Variants in ROR1 observed in about 807,000 individuals in gnomAD.
ROR1 encodes the protein inactive tyrosine-protein kinase transmembrane receptor ROR1.
Under a neutral mutation model 78.8 loss-of-function variants are expected in ROR1, and 19 were observed. The observed-to-expected ratio is 0.24, with a 90% CI of 0.17 to 0.35. The LOEUF (loss-of-function observed/expected upper bound fraction) is 0.35, where lower values mean the gene tolerates loss of function less well. Among genes scored for constraint, ROR1 ranks in the 10% least tolerant of loss-of-function variants. The pLI, the probability that ROR1 is intolerant of heterozygous loss-of-function variation, is 1.00. For synonymous variants in ROR1, 386 were observed against 433.6 expected (o/e 0.89, Z 1.36); for missense variants, 917 against 1,177.8 (o/e 0.78, Z 3.24).
chr1:64,068,807 C>T (rs186325693), intron 4 of ROR1, among the ~76,000 whole-genome samples: 12 of 152,196 alleles, frequency 7.9e-5, no homozygotes, highest in African/African-American at 2.6e-4. Context: ...CCACAAGTTC[C>T]GTTTTACAGG....
chr1:64,011,876 C>A (rs956771413), intron 2 of ROR1, among the ~76,000 whole-genome samples: 2 of 152,144 alleles, frequency 1.3e-5, no homozygotes, highest in Admixed American at 6.5e-5. Context: ...ATAAACCAGG[C>A]AAAGGCCCCT....
At chr1:63,995,321 T>G (rs1646328282) in intron 1 of ROR1, among the ~76,000 whole-genome samples, 1 of 152,172 alleles carries the variant, frequency 6.6e-6, no homozygotes, top group Non-Finnish European at 1.5e-5. Context: ...CTCTGTACTT[T>G]TGGATGTGAG....
chr1:63,912,835 C>A (rs1645582358), intron 1 of ROR1, among the ~76,000 whole-genome samples: 1 of 152,162 alleles, frequency 6.6e-6, no homozygotes, highest in Non-Finnish European at 1.5e-5. Context: ...GAGGAGAAAT[C>A]TTCCAGCAGT....
chr1:64,034,628 A>G (rs1014256150), intron 2 of ROR1, among the ~76,000 whole-genome samples: 3 of 152,184 alleles, frequency 2.0e-5, no homozygotes, highest in Non-Finnish European at 4.4e-5. Context: ...CAATTGCTAG[A>G]TAATGACCAT....
chr1:63,868,876 T>C (rs1645233837), intron 1 of ROR1, among the ~76,000 whole-genome samples: 1 of 152,228 alleles, frequency 6.6e-6, no homozygotes, highest in Non-Finnish European at 1.5e-5. Flanking sequence ...TTTTGTTTTG[T>C]TTTTAGCAAA....
At chr1:63,854,194 A>G (rs1175034930) in intron 1 of ROR1, among the ~76,000 whole-genome samples, 2 of 152,190 alleles carry the variant, frequency 1.3e-5, no homozygotes, top group African/African-American at 4.8e-5. Flanking sequence ...CTGAGGCTTT[A>G]TGTCATATAA....
At chr1:64,029,177 T>C (rs1646639961) in intron 2 of ROR1, among the ~76,000 whole-genome samples, 1 of 152,168 alleles carries the variant, frequency 6.6e-6, no homozygotes, top group African/African-American at 2.4e-5. Context: ...TAACCTACCA[T>C]CCTTCTGTGA....
At chr1:63,807,572 G>T (rs1286467365) in intron 1 of ROR1, among the ~76,000 whole-genome samples, 1 of 152,134 alleles carries the variant, frequency 6.6e-6, no homozygotes, top group Non-Finnish European at 1.5e-5. Flanking sequence ...GCTGTCCCAG[G>T]CTTTAGAGCG....
chr1:64,125,678 C>T (rs1038198515), intron 4 of ROR1, among the ~76,000 whole-genome samples: 2 of 152,108 alleles, frequency 1.3e-5, no homozygotes, highest in Non-Finnish European at 2.9e-5. Flanking sequence ...ACTAAAGTTG[C>T]AGGGCTTATG....
chr1:64,089,801 C>T (rs1038330805), intron 4 of ROR1, among the ~76,000 whole-genome samples: 3 of 152,106 alleles, frequency 2.0e-5, no homozygotes, highest in African/African-American at 7.2e-5. Flanking sequence ...GTTTCCCTAC[C>T]CAAATCTCAT....
At chr1:63,879,195 T>A (rs1645307777) in intron 1 of ROR1, among the ~76,000 whole-genome samples, 1 of 152,100 alleles carries the variant, frequency 6.6e-6, no homozygotes, top group East Asian at 1.9e-4. Context: ...ATGACTTGGT[T>A]CCTATTATCT....
At chr1:64,124,995 A>G (rs1244097538) in intron 4 of ROR1, among the ~76,000 whole-genome samples, 1 of 152,220 alleles carries the variant, frequency 6.6e-6, no homozygotes, top group African/African-American at 2.4e-5. Context: ...ACCATGTTCC[A>G]TGGTCTCTTG....
Position 64,140,193 on chromosome 1 carries a change from TC to T in ROR1, c.698del (p.Pro233ArgfsTer40). ...ATTCCTTCCCTGTGCCACTATGCCT[TC>T]CCGTACTGCGATGAAACTTCATCCG... ...FAIPSLCHYA[F>X]PYCDETSSVP... On this transcript the variant is annotated frameshift_variant, in exon 6 of 9. Coordinates refer to ENST00000371079, the MANE Select transcript of ROR1 (RefSeq NM_005012.4). LOFTEE classifies it high-confidence loss of function. 6.2e-7 allele frequency: 1 copy of T among 1,614,196 alleles called. No homozygotes were observed. The highest frequency in any genetic ancestry group is 8.5e-7 in the Non-Finnish European group (1 of 1,180,030).
At chr1:63,820,868 G>C (rs1199504663) in intron 1 of ROR1, among the ~76,000 whole-genome samples, 1 of 152,170 alleles carries the variant, frequency 6.6e-6, no homozygotes, top group Non-Finnish European at 1.5e-5. Flanking sequence ...TCAATAACCT[G>C]TGTGAGGTGG....
chr1:63,788,186 T>C (rs1006333521), intron 1 of ROR1, among the ~76,000 whole-genome samples: 1 of 152,198 alleles, frequency 6.6e-6, no homozygotes, highest in Non-Finnish European at 1.5e-5. Context: ...CATAACAAAA[T>C]GAAGTGGGTG....
At chr1:64,079,500 T>G (rs571352474) in intron 4 of ROR1, among the ~76,000 whole-genome samples, 2 of 147,078 alleles carry the variant, frequency 1.4e-5, no homozygotes, top group East Asian at 3.9e-4. Flanking sequence ...GGAGACAGAG[T>G]CTCGCTTTGT....
chr1:64,032,065 G>A (rs1370901116), intron 2 of ROR1, among the ~76,000 whole-genome samples: 3 of 151,960 alleles, frequency 2.0e-5, no homozygotes, highest in Admixed American at 1.3e-4. Context: ...AAATATGGCC[G>A]GGCGCGGTGG....
intron 2 of ROR1, among the ~76,000 whole-genome samples, chr1:64,047,233 G>A (rs1048333282): frequency 6.6e-6 from 1 of 152,226 alleles, no homozygotes. Context: ...ATTTTGTCAT[G>A]TGAAAAGTGG....
intron 4 of ROR1, chr1:64,095,260 G>A (rs940310879): frequency 1.3e-5 from 2 of 152,116 alleles, no homozygotes; most frequent in African/African-American, 2.4e-5. Context: ...GGGATACTAA[G>A]TTCAATTAAA....
Sources: allele counts gnomAD v4.1 joint callset (sites outside exome capture counted in the v4.1 genomes callset), GRCh38; gene constraint gnomAD v4.1.1; transcripts MANE v1.5; gene names NCBI Gene and HGNC (gene_info 2026-07-23, HGNC 2026-07-21).